The following EGFR variants were observed in gnomAD, a reference collection of about 807,000 sequenced individuals.
EGFR encodes the protein avian erythroblastic leukemia viral (v-erb-b) oncogene homolog.
Under a neutral mutation model 143.0 loss-of-function variants are expected in EGFR, and 58 were observed. The observed-to-expected ratio is 0.41, with a 90% CI of 0.33 to 0.50. The LOEUF (loss-of-function observed/expected upper bound fraction) is 0.50. Ranked by LOEUF, EGFR falls within the 20% of genes least tolerant of loss-of-function variation. The probability of loss-of-function intolerance (pLI) is 0.39; values close to 1 mark genes in which losing one functional copy is unlikely to be tolerated. For missense variants in EGFR, 1,307 were observed against 1,579.0 expected (o/e 0.83, Z 2.92); for synonymous variants, 613 against 594.4 (o/e 1.03, Z -0.45).
chr7:55,112,081 C>G lies in EGFR; in HGVS notation c.89-30205C>G, dbSNP rs574106238. The stretch of plus-strand genomic sequence containing the variant: ...CCCAGCCTCACCCACGACGCCCTCA[C>G]TAAGTGACCCACAGGACTCACCGGA... On this transcript the variant is annotated intron_variant, in intron 1 of 27. Transcript: ENST00000275493. 5.9e-5 allele frequency among the ~76,000 whole-genome samples: 9 copies of G among 152,304 alleles called. No individual in the cohort carries two copies. In the South Asian group the frequency reaches 1.9e-3, roughly 32 times the overall value.
chr7:55,093,030 C>T (rs2128895797), intron 1 of EGFR, among the ~76,000 whole-genome samples: 1 of 152,274 alleles, frequency 6.6e-6, no homozygotes, highest in Admixed American at 6.5e-5. Context: ...CCTAGATTGC[C>T]CTGCATTTTC....
At chr7:55,143,727 C>G (rs1448711308) in intron 3 of EGFR, among the ~76,000 whole-genome samples, 1 of 152,072 alleles carries the variant, frequency 6.6e-6, no homozygotes, top group East Asian at 1.9e-4. Flanking sequence ...TGAAAAAATA[C>G]TGAGAGATAG....
chr7:55,196,105 G>A (rs916172516), intron 22 of EGFR, among the ~76,000 whole-genome samples: 6 of 146,766 alleles, frequency 4.1e-5, no homozygotes, highest in African/African-American at 1.3e-4. Context: ...CACAATAATT[G>A]AACTAATTTA....
chr7:55,167,267 T>G (rs1228810988), intron 15 of EGFR, among the ~76,000 whole-genome samples: 21 of 118,600 alleles, frequency 1.8e-4, no homozygotes, highest in African/African-American at 6.7e-4. Context: ...GTGGTGGTGA[T>G]GGTGGTGATG....
Position 55,200,260 on chromosome 7 carries a change from C to T in EGFR, c.2849-56C>T, listed in dbSNP as rs2128969676. On this transcript the variant is annotated intron_variant, in intron 23 of 27. Transcript: ENST00000275493. ...CAATGCCTTCTTTAAGCAATGCCATCTTTATCATTTCTTCCAGTGTTCTAA... is the reference window on the plus strand; with the variant it reads ...CAATGCCTTCTTTAAGCAATGCCATTTTTATCATTTCTTCCAGTGTTCTAA... 2.0e-6 allele frequency: 3 copies of T among 1,515,488 alleles called. No individual in the cohort carries two copies. In the South Asian group the frequency reaches 3.4e-5, roughly 17 times the overall value. 93.9% of individuals were successfully genotyped at this position (1,515,488 alleles called of 1,614,324 possible).
chr7:55,072,520 A>G (rs1326600809), intron 1 of EGFR, among the ~76,000 whole-genome samples: 2 of 152,232 alleles, frequency 1.3e-5, no homozygotes, highest in Non-Finnish European at 2.9e-5. Flanking sequence ...TGAAGTGTCA[A>G]TCATTGCTCT....
chr7:55,103,500 T>C (rs1242218340), intron 1 of EGFR, among the ~76,000 whole-genome samples: 2 of 152,196 alleles, frequency 1.3e-5, no homozygotes, highest in African/African-American at 4.8e-5. Context: ...ACCTGCAGCA[T>C]TGCATTCAGA....
At chr7:55,055,453 T>G (rs1341636939) in intron 1 of EGFR, among the ~76,000 whole-genome samples, 2 of 152,168 alleles carry the variant, frequency 1.3e-5, no homozygotes, top group Admixed American at 6.5e-5. Context: ...CTATCTAAAG[T>G]TCAAAACCGA....
chr7:55,184,823 A>T (rs1475017955), intron 20 of EGFR, among the ~76,000 whole-genome samples: 1 of 152,254 alleles, frequency 6.6e-6, no homozygotes, highest in African/African-American at 2.4e-5. Flanking sequence ...GAGGGAAATG[A>T]AAACAGTGAT....
intron 22 of EGFR, among the ~76,000 whole-genome samples, chr7:55,194,372 G>A (rs1323234038): frequency 2.0e-5 from 3 of 151,750 alleles, no homozygotes; most frequent in Non-Finnish European, 2.9e-5. Flanking sequence ...GATTACAGGC[G>A]CACACCACCA....
In EGFR at chr7:55,202,681, A is replaced by C. The variant is rs752477416; in HGVS notation, c.3271+56A>C. The C allele has an allele frequency of 2.6e-6, 4 of 1,517,206 alleles. No homozygotes were observed. In the South Asian group the frequency reaches 4.8e-5, roughly 18 times the overall value. 94.0% of individuals were successfully genotyped at this position (1,517,206 alleles called of 1,614,324 possible). On this transcript the variant is annotated intron_variant, in intron 27 of 27. Transcript: ENST00000275493. Reference sequence around the variant, plus strand: ...CCTCAACCTCCTCGACCCACTCAGCAGCAGCCAGTCTCCAGTGTCCAAGCC... The same window carrying C: ...CCTCAACCTCCTCGACCCACTCAGCCGCAGCCAGTCTCCAGTGTCCAAGCC...
At chr7:55,190,123 T>G (rs1215767215) in intron 20 of EGFR, among the ~76,000 whole-genome samples, 1 of 152,052 alleles carries the variant, frequency 6.6e-6, no homozygotes, top group Non-Finnish European at 1.5e-5. Flanking sequence ...CCTCGGCTTC[T>G]GCCCCCCCTC....
At chr7:55,199,550 C>A (rs1787759232) in intron 23 of EGFR, among the ~76,000 whole-genome samples, 1 of 152,214 alleles carries the variant, frequency 6.6e-6, no homozygotes, top group Non-Finnish European at 1.5e-5. Flanking sequence ...GCTAAGGAAG[C>A]TGTGATCCAG....
rs1208020433 is a variant in EGFR at position 55,207,613 on chromosome 7, G to A, written c.*1996G>A. ...ATGACCAGGTCTCAGTCAGCGGGGA[G>A]GTGGAAAGTGCAGGTGCATCAGGGG... On this transcript the variant is annotated 3_prime_UTR_variant, in exon 28 of 28. Coordinates refer to ENST00000275493, the MANE Select transcript of EGFR (RefSeq NM_005228.5). 6.2e-6 allele frequency: 1 copy of A among 161,800 alleles called. No individual in the cohort carries two copies. Among genetic ancestry groups the A allele is most frequent in the East Asian group, 1.4e-4 (1 of 7,246 alleles). The allele number at this position is 161,800 out of a possible 1,614,324, so 10.0% of individuals were successfully genotyped here. A position where few individuals can be genotyped will look rare whatever the true frequency, so the allele number is the denominator to read the frequency against.
At position 55,207,946 on chromosome 7, in the gene EGFR, AC is replaced by A. The variant is rs1469199819; in HGVS notation, c.*2330del. On this transcript the variant is annotated 3_prime_UTR_variant, in exon 28 of 28. Coordinates refer to ENST00000275493, the MANE Select transcript of EGFR (RefSeq NM_005228.5). ...TCAGAACTGGGAAACAGAAGGACCT[AC>A]ATTCTGCTGTCACTTATGTGTCAAG... is the stretch of plus-strand genomic sequence containing the variant. 6.6e-6 allele frequency: 1 copy of A among 152,250 alleles called. No individual in the cohort carries two copies. 9.4% of individuals were successfully genotyped at this position (152,250 alleles called of 1,614,324 possible).
In EGFR at chr7:55,171,338, A is replaced by T; in HGVS notation, c.1919+125A>T. On this transcript the variant is annotated intron_variant, in intron 16 of 27. Coordinates refer to ENST00000275493, the MANE Select transcript of EGFR (RefSeq NM_005228.5). ...GATCAAGTTTCTATGGCTCTGGGCCAGCCTACCCTCAGCCAGGGTTTCTGC... is the reference window on the plus strand; with the variant it reads ...GATCAAGTTTCTATGGCTCTGGGCCTGCCTACCCTCAGCCAGGGTTTCTGC... The T allele has an allele frequency of 2.2e-6, 3 of 1,365,994 alleles. No individual in the cohort carries two copies. In the East Asian group the frequency reaches 7.0e-5, roughly 32 times the overall value. 84.6% of individuals were successfully genotyped at this position (1,365,994 alleles called of 1,614,324 possible). A position where few individuals can be genotyped will look rare whatever the true frequency, so the allele number is the denominator to read the frequency against.
intron 27 of EGFR, among the ~76,000 whole-genome samples, chr7:55,204,177 A>G (rs1300309158): frequency 6.6e-6 from 1 of 150,632 alleles, no homozygotes; most frequent in Non-Finnish European, 1.5e-5. Flanking sequence ...ATACACACAG[A>G]CACACACGAC....
intron 22 of EGFR, among the ~76,000 whole-genome samples, chr7:55,195,517 T>G (rs762137004): frequency 7.9e-5 from 12 of 152,236 alleles, no homozygotes; most frequent in Non-Finnish European, 1.6e-4. Context: ...GTACCTGACA[T>G]TTTTTTAACT....
chr7:55,141,765 C>T (rs1049816357), intron 1 of EGFR, among the ~76,000 whole-genome samples: 2 of 152,116 alleles, frequency 1.3e-5, no homozygotes, highest in African/African-American at 2.4e-5. Context: ...ATTCATTGCA[C>T]GCACAACAAT....
Sources: gnomAD v4.1 joint callset for allele counts (sites outside exome capture counted in the v4.1 genomes callset) on GRCh38, gnomAD v4.1.1 for gene constraint, MANE v1.5 for transcripts, NCBI Gene and HGNC (gene_info 2026-07-23, HGNC 2026-07-21) for gene names.